LOXL4: variants seen among roughly 807,000 people sequenced by gnomAD.
The protein encoded by LOXL4 is lysyl oxidase like 4.
In LOXL4, 72 loss-of-function variants were observed where a neutral mutation model predicts 89.1. The observed-to-expected ratio is 0.81, with a 90% CI of 0.67 to 0.98. The LOEUF is 0.98. Among genes scored for constraint, LOXL4 ranks in the 50% least tolerant of loss-of-function variants. The pLI is 0.00. For synonymous variants in LOXL4, 355 were observed against 392.1 expected (o/e 0.91, Z 1.12); for missense variants, 984 against 1,017.5 (o/e 0.97, Z 0.45).
rs140838736 is a variant in LOXL4 at position 98,253,773 on chromosome 10, C to T, written c.1615G>A (p.Ala539Thr). Reference sequence around the variant, plus strand: ...TAGGCCGTCTCCTGCACTAGCTGGGCGTTCATCACCAGGTCTGGTGCACCT... The same window carrying T: ...TAGGCCGTCTCCTGCACTAGCTGGGTGTTCATCACCAGGTCTGGTGCACCT... ...MDSAPDLVMN[A>T]QLVQETAYLE... Residue 539 changes from alanine to threonine, a missense_variant, in exon 11 of 15, where the codon GCC becomes ACC. Ala to Thr is a moderately conservative substitution (Grantham distance 58). Coordinates refer to ENST00000260702, the MANE Select transcript of LOXL4 (RefSeq NM_032211.7). 2.2e-5 allele frequency: 36 copies of T among 1,613,930 alleles called. No individual in the cohort carries two copies. In the African/African-American group the frequency reaches 2.3e-4, roughly 10 times the overall value.
rs769544418 is a variant in LOXL4, at chr10:98,255,606, C to T, written c.1562G>A (p.Arg521His). Residue 521 changes from arginine to histidine, a missense_variant, in exon 10 of 15, where the codon CGC (arginine) becomes CAC (histidine). Arg to His is a conservative substitution (Grantham distance 29). Coordinates refer to ENST00000260702, the MANE Select transcript of LOXL4 (RefSeq NM_032211.7). ...CATGCAGGAGACTCCAGCCAGGAAG[C>T]GCCCGCCACCGTGGGAGCAGTGCAC... ...GPVHCSHGGG[R>H]FLAGVSCMDS... 2.9e-5 allele frequency: 46 copies of T among 1,610,482 alleles called. No homozygotes were observed. The Middle Eastern group carries it at 4.9e-4, about 17-fold the overall frequency.
intron 10 of LOXL4, among the ~76,000 whole-genome samples, chr10:98,255,331 A>G (rs1363008012): frequency 4.6e-5 from 7 of 151,840 alleles, no homozygotes; most frequent in African/African-American, 1.7e-4. Context: ...AAAGTTGAAA[A>G]CCGCCGTTCC....
rs1398353351 is a variant in LOXL4, at chr10:98,247,863, G to T, written c.*1058C>A. 3 of 152,172 alleles carry T rather than the reference G, an allele frequency of 2.0e-5. No individual in the cohort carries two copies. Among genetic ancestry groups the T allele is most frequent in the Non-Finnish European group, 2.9e-5 (2 of 68,038 alleles). 9.4% of individuals were successfully genotyped at this position (152,172 alleles called of 1,614,324 possible). ...CAGAGCCCCATCAAGCAGGAATGGT[G>T]GCCTTTCCCAGGTTCCATCCTTAAC... On this transcript the variant is annotated 3_prime_UTR_variant, in exon 15 of 15. Transcript: ENST00000260702.
At chr10:98,252,697 C>G (rs932502946) in intron 11 of LOXL4, among the ~76,000 whole-genome samples, 3 of 152,208 alleles carry the variant, frequency 2.0e-5, no homozygotes, top group Admixed American at 6.5e-5. Flanking sequence ...GGTCTCAACC[C>G]AGGCAAGAGG....
At chr10:98,258,781 C>T (rs1015270703) in intron 6 of LOXL4, among the ~76,000 whole-genome samples, 4 of 152,180 alleles carry the variant, frequency 2.6e-5, no homozygotes, top group African/African-American at 9.7e-5. Context: ...ACTGTTTTTA[C>T]GGTCACCTTC....
chr10:98,260,405 A>G (rs555062710), intron 4 of LOXL4, among the ~76,000 whole-genome samples: 117 of 150,950 alleles, frequency 7.8e-4, no homozygotes, highest in African/African-American at 2.7e-3. Context: ...CACTGCAAGT[A>G]TCTGCAGGAA....
Position 98,258,160 on chromosome 10 carries a change from G to A in LOXL4, c.926C>T (p.Pro309Leu), listed in dbSNP as rs1024212397. 3.7e-6 allele frequency: 6 copies of A among 1,609,118 alleles called. No homozygotes were observed. The highest frequency in any genetic ancestry group is 3.3e-5 in the Admixed American group (2 of 59,824). The change falls in exon 7 of 15, where the codon CCG becomes CTG. Residue 309 changes from proline to leucine, a missense_variant. Pro to Leu is a moderately conservative substitution (Grantham distance 98). Coordinates refer to ENST00000260702, the MANE Select transcript of LOXL4 (RefSeq NM_032211.7). ...PQRKGSWAEE[P>L]RVRLRSGAQV... ...GGCCCCGGAGCGCAGGCGCACCCTC[G>A]GCTCCTGCTGGGAGAAACCTGCTTC...
intron 3 of LOXL4, 59 bp from the exon 4 acceptor site, chr10:98,261,186 C>G: frequency 6.5e-7 from 1 of 1,540,028 alleles, no homozygotes; most frequent in Non-Finnish European, 8.9e-7. Flanking sequence ...GTGGAGCCTG[C>G]TGCAGATCTT....
rs150130574 is a variant in LOXL4, at chr10:98,261,039, T to G, written c.545A>C (p.Lys182Thr). 207 of 1,614,070 alleles carry G rather than the reference T, an allele frequency of 1.3e-4. No individual in the cohort carries two copies. The African/African-American group carries it at 2.5e-3, about 20-fold the overall frequency. The change falls in exon 4 of 15, where the codon AAG becomes ACG. Residue 182 changes from lysine to threonine, a missense_variant. By Grantham distance (78) the Lys-to-Thr change is moderately conservative. Coordinates refer to ENST00000260702, the MANE Select transcript of LOXL4 (RefSeq NM_032211.7). ...SPVTEGAVEV[K>T]YEGHWRQVCD... ...CACCTGCCGCCAGTGGCCCTCATAC[T>G]TCACCTCCACGGCTCCCTCGGTCAC...
chr10:98,265,894 C>T (rs1259221880), intron 1 of LOXL4, among the ~76,000 whole-genome samples: 2 of 152,126 alleles, frequency 1.3e-5, no homozygotes, highest in African/African-American at 4.8e-5. Flanking sequence ...CCTAGATGCT[C>T]CCCTCTCCAC....
chr10:98,265,375 T>TATC (rs1858656243), intron 1 of LOXL4, among the ~76,000 whole-genome samples: 1 of 18,214 alleles, frequency 5.5e-5, no homozygotes, highest in Non-Finnish European at 9.3e-5. Flanking sequence ...AATGAACTAT[T>TATC]ATTATTATTA....
intron 14 of LOXL4, among the ~76,000 whole-genome samples, chr10:98,249,512 T>C (rs1328341830): frequency 6.6e-6 from 1 of 152,246 alleles, no homozygotes; most frequent in Non-Finnish European, 1.5e-5. Flanking sequence ...CTTGCCCCTC[T>C]TCAAGCCTAA....
At chr10:98,256,704 G>T in intron 9 of LOXL4, 76 bp downstream of exon 9, 1 of 1,563,838 alleles carries the variant, frequency 6.4e-7, no homozygotes, top group South Asian at 1.1e-5. Flanking sequence ...AGAGGCAGCA[G>T]CTTTAGCACA....
chr10:98,253,817 G>T, intron 10 of LOXL4, 21 bp from the exon 11 acceptor site: 2 of 1,613,034 alleles, frequency 1.2e-6, no homozygotes, highest in Non-Finnish European at 1.7e-6. Context: ...GGAGGGCATG[G>T]CAGTGACTCA....
At chr10:98,260,220 A>G (rs1280887420) in intron 4 of LOXL4, among the ~76,000 whole-genome samples, 1 of 152,116 alleles carries the variant, frequency 6.6e-6, no homozygotes, top group East Asian at 1.9e-4. Context: ...CCTCACTTAC[A>G]CACAACCCAG....
In LOXL4 at chr10:98,251,089, C is replaced by G; in HGVS notation, c.2176G>C (p.Val726Leu). Residue 726 changes from valine (V) to leucine (L), a missense_variant, in exon 14 of 15, where the codon GTC becomes CTC. Physicochemically the swap from Val to Leu is conservative, Grantham distance 32. Transcript: ENST00000260702. The stretch of plus-strand genomic sequence containing the variant: ...CCTGTGTGGCAGTTGTGCAGCCAGA[C>G]CCGGTGCCCATCATACTTGCAGCGG... Reference protein sequence around the residue: ...QCRCKYDGHRVWLHNCHTGNS... With the variant: ...QCRCKYDGHRLWLHNCHTGNS... 6.2e-7 allele frequency: 1 copy of G among 1,614,076 alleles called. No homozygotes were observed. Among genetic ancestry groups the G allele is most frequent in the Non-Finnish European group, 8.5e-7 (1 of 1,179,962 alleles).
At chr10:98,260,280 G>T (rs1858500256) in intron 4 of LOXL4, among the ~76,000 whole-genome samples, 1 of 152,160 alleles carries the variant, frequency 6.6e-6, no homozygotes, top group Non-Finnish European at 1.5e-5. Context: ...GGAAGCGTTG[G>T]GATATTCGCA....
chr10:98,267,165 T>C (rs905063217), intron 1 of LOXL4, among the ~76,000 whole-genome samples: 1 of 152,136 alleles, frequency 6.6e-6, no homozygotes, highest in Non-Finnish European at 1.5e-5. Flanking sequence ...CCAAGCAGCC[T>C]GGCTAGACGC....
intron 4 of LOXL4, among the ~76,000 whole-genome samples, chr10:98,260,035 G>A (rs747779714): frequency 3.3e-5 from 5 of 152,218 alleles, no homozygotes; most frequent in African/African-American, 9.6e-5. Flanking sequence ...TGACTCAGAC[G>A]TACTACGGGA....
Sources: allele counts gnomAD v4.1 joint callset (sites outside exome capture counted in the v4.1 genomes callset), GRCh38; gene constraint gnomAD v4.1.1; transcripts MANE v1.5; gene names NCBI Gene and HGNC (gene_info 2026-07-23, HGNC 2026-07-21).